Variants in RORA observed in about 807,000 individuals in gnomAD.
RORA encodes nuclear receptor ROR-alpha.
RORA carries 7 observed loss-of-function variants against 69.5 expected under a neutral mutation model. That is an observed-to-expected ratio of 0.10 (90% CI 0.06 to 0.19). The LOEUF is 0.19. Ranked by LOEUF, RORA falls within the 10% of genes least tolerant of loss-of-function variation. The pLI is 1.00. For synonymous variants in RORA, 261 were observed against 240.8 expected (o/e 1.08, Z -0.78); for missense variants, 457 against 663.0 (o/e 0.69, Z 3.41).
chr15:60,755,795 C>T (rs1423721451), intron 1 of RORA, among the ~76,000 whole-genome samples: 1 of 152,206 alleles, frequency 6.6e-6, no homozygotes, highest in African/African-American at 2.4e-5. Context: ...AACTCATCTC[C>T]TGTTTGTTCC....
chr15:60,751,706 C>A (rs1468078800), intron 1 of RORA, among the ~76,000 whole-genome samples: 1 of 152,116 alleles, frequency 6.6e-6, no homozygotes, highest in Non-Finnish European at 1.5e-5. Flanking sequence ...CTTCCTGCAT[C>A]CTCTCGGCAC....
intron 2 of RORA, among the ~76,000 whole-genome samples, chr15:60,579,186 T>C (rs1299876282): frequency 6.6e-6 from 1 of 151,078 alleles, no homozygotes; most frequent in East Asian, 2.0e-4. Flanking sequence ...TACCCACCAA[T>C]GCTTTGCACC....
In RORA at chr15:61,004,468, A is replaced by G. The variant is rs889038023; in HGVS notation, c.166+224585T>C. ...TCTGCAAGGTCCAGAGTCCCAAGGC[A>G]CATGGGGGCAGAGTGAGGGCTGTCT... On this transcript the variant is annotated intron_variant, in intron 1 of 10. Coordinates refer to ENST00000335670, the MANE Select transcript of RORA (RefSeq NM_134261.3). 7.2e-5 allele frequency among the ~76,000 whole-genome samples: 11 copies of G among 152,062 alleles called. No homozygotes were observed. The East Asian group carries it at 2.1e-3, about 29-fold the overall frequency.
intron 1 of RORA, among the ~76,000 whole-genome samples, chr15:60,726,841 G>T (rs892889522): frequency 7.2e-5 from 11 of 152,052 alleles, no homozygotes; most frequent in African/African-American, 2.7e-4. Context: ...TAATCAAAAA[G>T]GACAAGGAGG....
At chr15:61,126,720 CA>C (rs1259341631) in intron 1 of RORA, among the ~76,000 whole-genome samples, 1 of 152,146 alleles carries the variant, frequency 6.6e-6, no homozygotes, top group Non-Finnish European at 1.5e-5. Context: ...CTCCATTTTA[CA>C]GAAGAGAAAA....
intron 1 of RORA, among the ~76,000 whole-genome samples, chr15:60,854,823 G>A (rs1410758777): frequency 6.6e-6 from 1 of 152,194 alleles, no homozygotes; most frequent in African/African-American, 2.4e-5. Flanking sequence ...CATCGAGGAC[G>A]AGGCATGAAT....
intron 1 of RORA, among the ~76,000 whole-genome samples, chr15:60,774,931 A>G (rs914396106): frequency 6.6e-6 from 1 of 152,208 alleles, no homozygotes; most frequent in Non-Finnish European, 1.5e-5. Context: ...ATTCATGATT[A>G]CTCAACACAT....
chr15:60,729,894 G>T (rs1383508207), intron 1 of RORA, among the ~76,000 whole-genome samples: 2 of 152,172 alleles, frequency 1.3e-5, no homozygotes, highest in African/African-American at 4.8e-5. Flanking sequence ...GTGGACAATA[G>T]ATTTAGTTTT....
At chr15:60,918,686 T>C (rs1891951001) in intron 1 of RORA, among the ~76,000 whole-genome samples, 1 of 152,224 alleles carries the variant, frequency 6.6e-6, no homozygotes, top group Non-Finnish European at 1.5e-5. Flanking sequence ...GAAATATTTT[T>C]TTTCTTCTTC....
At chr15:60,707,105 C>T (rs2071073636) in intron 1 of RORA, among the ~76,000 whole-genome samples, 1 of 152,108 alleles carries the variant, frequency 6.6e-6, no homozygotes, top group African/African-American at 2.4e-5. Context: ...CAAGTCCATC[C>T]GATGGCCCTC....
chr15:60,966,573 G>C (rs1893558901), intron 1 of RORA, among the ~76,000 whole-genome samples: 1 of 152,182 alleles, frequency 6.6e-6, no homozygotes, highest in South Asian at 2.1e-4. Flanking sequence ...GAATGTATTA[G>C]ATGAATGAAT....
chr15:60,893,883 C>T (rs79965301), intron 1 of RORA, among the ~76,000 whole-genome samples: 2,497 of 152,226 alleles, frequency 0.016, 23 homozygotes, highest in Non-Finnish European at 0.024. Context: ...ATGGACCTGC[C>T]CAAGGTTATG....
At chr15:61,150,251 C>T (rs10519113) in intron 1 of RORA, among the ~76,000 whole-genome samples, 81,454 of 151,906 alleles carry the variant, frequency 0.54, 22,367 homozygotes, top group Non-Finnish European at 0.59. Flanking sequence ...AAACCATACG[C>T]GAAGCATTTA....
At chr15:60,886,836 G>C (rs2073755859) in intron 1 of RORA, among the ~76,000 whole-genome samples, 1 of 152,136 alleles carries the variant, frequency 6.6e-6, no homozygotes, top group Non-Finnish European at 1.5e-5. Context: ...TTCTGAAATG[G>C]TTTGGCACAC....
At chr15:60,999,816 T>C (rs547510992) in intron 1 of RORA, among the ~76,000 whole-genome samples, 3 of 152,306 alleles carry the variant, frequency 2.0e-5, no homozygotes, top group South Asian at 2.1e-4. Context: ...CCACCCGTTC[T>C]GAATTGAGGG....
chr15:60,515,558 T>C (rs1161127377), intron 3 of RORA, among the ~76,000 whole-genome samples: 1 of 152,168 alleles, frequency 6.6e-6, no homozygotes, highest in Non-Finnish European at 1.5e-5. Context: ...CTTAGCTGAT[T>C]TTCACTGTTT....
intron 5 of RORA, among the ~76,000 whole-genome samples, chr15:60,510,900 A>G (rs777458078): frequency 2.0e-5 from 3 of 152,124 alleles, no homozygotes; most frequent in Non-Finnish European, 4.4e-5. Context: ...CTTAGGTATA[A>G]AGCAATCCTT....
intron 1 of RORA, among the ~76,000 whole-genome samples, chr15:60,692,224 A>T (rs2070838036): frequency 1.3e-5 from 2 of 152,208 alleles, no homozygotes; most frequent in Admixed American, 6.5e-5. Context: ...TTTTTAAAAA[A>T]ATACACTTTA....
chr15:61,063,738 T>C (rs773931566), intron 1 of RORA, among the ~76,000 whole-genome samples: 5 of 152,228 alleles, frequency 3.3e-5, no homozygotes, highest in Non-Finnish European at 7.3e-5. Flanking sequence ...CACATGTGTG[T>C]GGTCAATATT....
Sources: allele counts gnomAD v4.1 joint callset (sites outside exome capture counted in the v4.1 genomes callset), GRCh38; gene constraint gnomAD v4.1.1; transcripts MANE v1.5; gene names NCBI Gene and HGNC (gene_info 2026-07-23, HGNC 2026-07-21).